BCL2: variants seen among roughly 807,000 people sequenced by gnomAD.
BCL2 encodes apoptosis regulator Bcl-2.
Under a neutral mutation model 14.2 loss-of-function variants are expected in BCL2, and 1 was observed. The ratio of observed to expected loss-of-function variants is 0.07; its 90% CI spans 0.02 to 0.33. BCL2 has a LOEUF of 0.33. BCL2 is among the 10% of genes least tolerant of loss of function. The probability of loss-of-function intolerance (pLI) is 0.99; values close to 1 mark genes in which losing one functional copy is unlikely to be tolerated. For synonymous variants in BCL2, 151 were observed against 137.2 expected (o/e 1.10, Z -0.70); for missense variants, 247 against 305.9 (o/e 0.81, Z 1.44).
In BCL2 at chr18:63,318,369, C is replaced by G. The variant is rs1184034130; in HGVS notation, c.298G>C (p.Ala100Pro). The stretch of plus-strand genomic sequence containing the variant: ...TAGCGGCGGGAGAAGTCGTCGCCGG[C>G]CTGGCGGAGGGTCAGGTGGACCACA... ...PPVVHLTLRQ[A>P]GDDFSRRYRR... is the part of the protein sequence containing the mutation. Residue 100 changes from alanine to proline, a missense_variant, in exon 2 of 3, where the codon GCC becomes CCC. Physicochemically the swap from Ala to Pro is conservative, Grantham distance 27. Transcript: ENST00000333681. The surrounding 1 kb of genome is among the most constrained non-coding windows in gnomAD (Gnocchi z 7.4). The G allele has an allele frequency of 6.2e-7, 1 of 1,602,988 alleles. No homozygotes were observed.
chr18:63,273,863 A>G (rs115995488), intron 2 of BCL2, among the ~76,000 whole-genome samples: 6,833 of 152,306 alleles, frequency 0.045, 258 homozygotes, highest in African/African-American at 0.086. Context: ...CTTGGTCTTT[A>G]CAAGCATCTC....
At chr18:63,214,135 G>A (rs896793414) in intron 2 of BCL2, among the ~76,000 whole-genome samples, 4 of 152,166 alleles carry the variant, frequency 2.6e-5, no homozygotes, top group South Asian at 2.1e-4. Context: ...TAAGAAATAC[G>A]GGAGAAATGG....
At chr18:63,233,367 C>T (rs1015575138) in intron 2 of BCL2, among the ~76,000 whole-genome samples, 1 of 152,176 alleles carries the variant, frequency 6.6e-6, no homozygotes, top group African/African-American at 2.4e-5. Flanking sequence ...TTATTGATAA[C>T]ATTACCATTC....
chr18:63,148,106 C>T (rs969257887), intron 2 of BCL2, among the ~76,000 whole-genome samples: 51 of 152,240 alleles, frequency 3.3e-4, no homozygotes, highest in African/African-American at 1.2e-3. Flanking sequence ...TGCGCTTCCC[C>T]GCTCCCCCCC....
chr18:63,253,938 TTC>T (rs1170079812), intron 2 of BCL2, among the ~76,000 whole-genome samples: 1 of 151,564 alleles, frequency 6.6e-6, no homozygotes, highest in Non-Finnish European at 1.5e-5. Context: ...TACTAAGCAT[TTC>T]TCTCTTATCG....
chr18:63,274,476 G>C (rs147182390), intron 2 of BCL2, among the ~76,000 whole-genome samples: 2,548 of 151,768 alleles, frequency 0.017, 57 homozygotes, highest in South Asian at 0.067. Flanking sequence ...GTAGAGACAG[G>C]GTTTCACCAT....
intron 2 of BCL2, among the ~76,000 whole-genome samples, chr18:63,239,554 C>G (rs1432867849): frequency 9.9e-5 from 15 of 152,096 alleles, no homozygotes; most frequent in Admixed American, 9.8e-4. Context: ...CCAGCCTGGC[C>G]AACATGGTGA....
intron 2 of BCL2, among the ~76,000 whole-genome samples, chr18:63,212,404 C>A (rs575766649): frequency 1.3e-5 from 2 of 151,496 alleles, no homozygotes; most frequent in African/African-American, 4.8e-5. Context: ...TCCAAGTTTC[C>A]TTTAAAGAAG....
rs1291616427 is a variant in BCL2 at position 63,207,325 on chromosome 18, G to A, written c.586-78566C>T. Among the ~76,000 whole-genome samples the A allele has an allele frequency of 6.6e-5, 10 of 152,226 alleles. No individual in the cohort carries two copies. The South Asian group carries it at 1.4e-3, about 22-fold the overall frequency. On this transcript the variant is annotated intron_variant, in intron 2 of 2. Transcript: ENST00000333681. ...CACAAAACTGCACCTGGCTGTGGCC[G>A]TCAGTAAGTGCTATATAAATGCTTC... is the stretch of plus-strand genomic sequence containing the variant.
At chr18:63,161,981 G>A (rs1335472110) in intron 2 of BCL2, 1 of 152,190 alleles carries the variant, frequency 6.6e-6, no homozygotes, top group East Asian at 1.9e-4. Flanking sequence ...ATCTATAGAT[G>A]TGTAAACCAA....
rs1910308348 is a variant in BCL2 at position 63,219,062 on chromosome 18, A to C, written c.586-90303T>G. Among the ~76,000 whole-genome samples, 4 of 152,184 alleles carry C rather than the reference A, an allele frequency of 2.6e-5. No homozygotes were observed. In the South Asian group the frequency reaches 8.3e-4, roughly 32 times the overall value. Reference sequence around the variant, plus strand: ...TTTATGTGACTCCATTTTCTATATAACATAACCTGAGTTCCATCATTTGAC... The same window carrying C: ...TTTATGTGACTCCATTTTCTATATACCATAACCTGAGTTCCATCATTTGAC... On this transcript the variant is annotated intron_variant, in intron 2 of 2. Transcript: ENST00000333681.
intron 2 of BCL2, among the ~76,000 whole-genome samples, chr18:63,192,719 A>G (rs1599235260): frequency 6.6e-6 from 1 of 151,622 alleles, no homozygotes; most frequent in East Asian, 1.9e-4. Flanking sequence ...CAAGACCTAC[A>G]TCATCAAGAC....
Position 63,127,653 on chromosome 18 carries a change from C to T in BCL2, c.*972G>A, listed in dbSNP as rs1599195755. On this transcript the variant is annotated 3_prime_UTR_variant, in exon 3 of 3. Coordinates refer to ENST00000333681, the MANE Select transcript of BCL2 (RefSeq NM_000633.3). Reference sequence around the variant, plus strand: ...CTGGGACACAGGCAGGTTCTGCGGACTTCGGTCTCCTAAAAGCAGGCACTT... The same window carrying T: ...CTGGGACACAGGCAGGTTCTGCGGATTTCGGTCTCCTAAAAGCAGGCACTT... 4.3e-6 allele frequency: 1 copy of T among 230,112 alleles called. No homozygotes were observed. Among genetic ancestry groups the T allele is most frequent in the African/African-American group, 2.2e-5 (1 of 45,300 alleles). 14.3% of individuals were successfully genotyped at this position (230,112 alleles called of 1,614,324 possible). A position where few individuals can be genotyped will look rare whatever the true frequency, so the allele number is the denominator to read the frequency against.
chr18:63,244,737 A>G (rs528588073), intron 2 of BCL2, among the ~76,000 whole-genome samples: 7 of 152,334 alleles, frequency 4.6e-5, no homozygotes, highest in Admixed American at 4.6e-4. Flanking sequence ...CGTCCTAGGC[A>G]GTATTCTGGG....
At chr18:63,291,879 T>C (rs1316295348) in intron 2 of BCL2, among the ~76,000 whole-genome samples, 2 of 152,094 alleles carry the variant, frequency 1.3e-5, no homozygotes, top group African/African-American at 4.8e-5. Flanking sequence ...AACAAAGAAA[T>C]GAATGTCTAC....
intron 2 of BCL2, among the ~76,000 whole-genome samples, chr18:63,308,107 G>A (rs1913195303): frequency 6.6e-6 from 1 of 152,188 alleles, no homozygotes; most frequent in Admixed American, 6.5e-5. Context: ...CCAGAATAGA[G>A]AACTCAGCCA....
At chr18:63,277,677 A>G (rs1165703862) in intron 2 of BCL2, among the ~76,000 whole-genome samples, 5 of 151,520 alleles carry the variant, frequency 3.3e-5, no homozygotes, top group Admixed American at 6.6e-5. Context: ...TAGCTTCCCC[A>G]GGAACCAGGA....
chr18:63,141,414 G>C (rs1914358072), intron 2 of BCL2, among the ~76,000 whole-genome samples: 1 of 152,072 alleles, frequency 6.6e-6, no homozygotes, highest in African/African-American at 2.4e-5. Context: ...GCCTTTCTTG[G>C]CACAGCACTG....
At chr18:63,198,359 GAC>G (rs1164246993) in intron 2 of BCL2, among the ~76,000 whole-genome samples, 1 of 118,790 alleles carries the variant, frequency 8.4e-6, no homozygotes, top group East Asian at 2.5e-4. Context: ...GACACACACA[GAC>G]ACACACTGAC....
Sources: gnomAD v4.1 joint callset for allele counts (sites outside exome capture counted in the v4.1 genomes callset) on GRCh38, gnomAD v4.1.1 for gene constraint, Gnocchi (gnomAD v3.1) non-coding constraint, MANE v1.5 for transcripts, NCBI Gene and HGNC (gene_info 2026-07-23, HGNC 2026-07-21) for gene names.